The following RAB13 variants were observed in gnomAD, a reference collection of about 807,000 sequenced individuals.
The protein encoded by RAB13 is RAB13, member RAS oncogene family.
In RAB13, 15 loss-of-function variants were observed where a neutral mutation model predicts 29.3. The ratio of observed to expected loss-of-function variants is 0.51; its 90% CI spans 0.34 to 0.79. The LOEUF (loss-of-function observed/expected upper bound fraction) is 0.79. RAB13 is among the 30% of genes least tolerant of loss of function. The pLI, the probability that RAB13 is intolerant of heterozygous loss-of-function variation, is 0.01. For synonymous variants in RAB13, 82 were observed against 93.8 expected, an observed-to-expected ratio of 0.87 and a Z score of 0.73; for missense variants, 186 against 255.5, an observed-to-expected ratio of 0.73 and a Z score of 1.85.
At chr1:153,984,984 A>G (rs1649114318) in intron 1 of RAB13, 2 of 1,286,714 alleles carry the variant, frequency 1.6e-6, no homozygotes, top group African/African-American at 1.6e-5. Context: ...TTTTACGTAC[A>G]TTTTATGGAT....
chr1:153,986,494 T>C, upstream of RAB13: 1 of 482,786 alleles, frequency 2.1e-6, no homozygotes, highest in Non-Finnish European at 3.7e-6. Flanking sequence ...GGCCGGCCTG[T>C]CTCTCTCGCT....
chr1:153,988,613 A>T (rs920639852), upstream of RAB13, among the ~76,000 whole-genome samples: 2 of 144,866 alleles, frequency 1.4e-5, no homozygotes, highest in African/African-American at 5.0e-5. Context: ...TATTTTTTTA[A>T]TTTTTATTGT....
chr1:153,987,528 A>AAAAGAAAAG (rs1649211270), upstream of RAB13, among the ~76,000 whole-genome samples: 2 of 127,488 alleles, frequency 1.6e-5, no homozygotes, highest in Admixed American at 1.9e-4. Context: ...AAAAAAAAAA[A>AAAAGAAAAG]AAAGAAAGAA....
At chr1:153,988,308 T>TG (rs2147864134), upstream of RAB13, among the ~76,000 whole-genome samples, 1 of 148,590 alleles carries the variant, frequency 6.7e-6, no homozygotes, top group South Asian at 2.2e-4. Flanking sequence ...TTTTTTTTTT[T>TG]TTGAGACGGA....
upstream of RAB13, among the ~76,000 whole-genome samples, chr1:153,988,519 C>G (rs1032646237): frequency 4.3e-4 from 60 of 140,278 alleles, no homozygotes; most frequent in African/African-American, 1.4e-3. Context: ...TTTTGATCTC[C>G]TGACCTCGTG....
In RAB13 at chr1:153,986,311, C is replaced by T. The variant is rs1205616516; in HGVS notation, c.-75G>A. 2 of 1,275,458 alleles carry T rather than the reference C, an allele frequency of 1.6e-6. No individual in the cohort carries two copies. The highest frequency in any genetic ancestry group is 1.9e-4 in the Middle Eastern group (1 of 5,302). 79.0% of individuals were successfully genotyped at this position (1,275,458 alleles called of 1,614,324 possible). ...TAGGCGGGACTGGACGGTTGGCAAA[C>T]AGAGCGGCACGGAGCCCAGGCCAGG... On this transcript the variant is annotated 5_prime_UTR_variant, in exon 1 of 8. Transcript: ENST00000368575.
At chr1:153,986,018 C>T in intron 1 of RAB13, 95 bp downstream of exon 1, 1 of 1,562,650 alleles carries the variant, frequency 6.4e-7, no homozygotes. Context: ...GAGCCTTACT[C>T]TAAGGGGACT....
Position 153,982,791 on chromosome 1 carries a change from C to T in RAB13, c.342G>A (p.Val114=). Residue 114 remains valine, a synonymous_variant, in exon 5 of 8, where the codon GTG becomes GTA. Transcript: ENST00000368575. ...KSIKENASAG[V]ERLLLGNKCD... is the part of the protein sequence containing the mutation. ...ATTTGTTCCCCAGCAAGAGGCGCTCCACCCCAGCCGAGGCATTCTGGGGGC... is the reference window on the plus strand; with the variant it reads ...ATTTGTTCCCCAGCAAGAGGCGCTCTACCCCAGCCGAGGCATTCTGGGGGC... 2 of 1,614,142 alleles carry T rather than the reference C, an allele frequency of 1.2e-6. No homozygotes were observed. Among genetic ancestry groups the T allele is most frequent in the Non-Finnish European group, 1.7e-6 (2 of 1,180,024 alleles).
rs1649059781 is a variant in RAB13 at position 153,983,434 on chromosome 1, T to G, written c.246+87A>C. On this transcript the variant is annotated intron_variant, in intron 3 of 7. Transcript: ENST00000368575. Reference sequence around the variant, plus strand: ...AACCCACACTGCACCCCTCCCATTTTTACCTGCCCCAACCCCTGACCCTTT... The same window carrying G: ...AACCCACACTGCACCCCTCCCATTTGTACCTGCCCCAACCCCTGACCCTTT... The G allele has an allele frequency of 5.8e-5, 88 of 1,515,112 alleles. No individual in the cohort carries two copies. The South Asian group carries it at 9.8e-4, about 17-fold the overall frequency. The allele number at this position is 1,515,112 out of a possible 1,614,324, so 93.9% of individuals were successfully genotyped here. A position where few individuals can be genotyped will look rare whatever the true frequency, so the allele number is the denominator to read the frequency against.
In RAB13 at chr1:153,985,346, G is replaced by A; in HGVS notation, c.125-565C>T. 6.1e-6 allele frequency: 6 copies of A among 984,368 alleles called. No homozygotes were observed. In the South Asian group the frequency reaches 2.8e-4, roughly 46 times the overall value. The allele number at this position is 984,368 out of a possible 1,614,324, so 61.0% of individuals were successfully genotyped here. ...TCCTTTGTAACCAGAATTGTCGTGA[G>A]ACTCTTCCTGTCTATTTCCCAAGCC... On this transcript the variant is annotated intron_variant, in intron 1 of 7. Coordinates refer to ENST00000368575, the MANE Select transcript of RAB13 (RefSeq NM_002870.5).
intron 1 of RAB13, chr1:153,985,131 T>A: frequency 9.5e-7 from 1 of 1,049,094 alleles, no homozygotes; most frequent in Non-Finnish European, 1.1e-6. Flanking sequence ...ACTTTCACAT[T>A]CCTCTTCTCT....
At chr1:153,989,927 G>A (rs1242240961), upstream of RAB13, among the ~76,000 whole-genome samples, 2 of 151,856 alleles carry the variant, frequency 1.3e-5, no homozygotes, top group Non-Finnish European at 2.9e-5. Flanking sequence ...AAAAAAAGAA[G>A]GCATCTTTCA....
chr1:153,982,728 C>T lies in RAB13; in HGVS notation c.405G>A (p.Gln135=). The change falls in exon 5 of 8, where the codon CAG becomes CAA. Residue 135 remains glutamine (Q), a synonymous_variant. Coordinates refer to ENST00000368575, the MANE Select transcript of RAB13 (RefSeq NM_002870.5). The part of the protein sequence containing the change: ...MEAKRKVQKE[Q]ADKLAREHGI... ...TCAGCCTGGCCCTCACCTTATCGGCCTGCTCCTTCTGCACCTTCCTCTTGG... is the reference window on the plus strand; with the variant it reads ...TCAGCCTGGCCCTCACCTTATCGGCTTGCTCCTTCTGCACCTTCCTCTTGG... The T allele has an allele frequency of 6.2e-7, 1 of 1,614,202 alleles. No homozygotes were observed. The highest frequency in any genetic ancestry group is 8.5e-7 in the Non-Finnish European group (1 of 1,180,028).
At position 153,985,060 on chromosome 1, in the gene RAB13, T is replaced by C. The variant is rs1252226176; in HGVS notation, c.125-279A>G. 4.3e-6 allele frequency: 5 copies of C among 1,169,122 alleles called. No homozygotes were observed. In the East Asian group the frequency reaches 3.0e-4, roughly 71 times the overall value. 72.4% of individuals were successfully genotyped at this position (1,169,122 alleles called of 1,614,324 possible). On this transcript the variant is annotated intron_variant, in intron 1 of 7. Transcript: ENST00000368575. ...TAAAATCCTTAGGCTGCCTCTTGGG[T>C]CCATTCAGTTATACCAGCTGACAAC...
intron 1 of RAB13, among the ~76,000 whole-genome samples, chr1:153,985,833 T>C (rs1159159394): frequency 1.3e-5 from 2 of 150,990 alleles, no homozygotes; most frequent in Admixed American, 6.6e-5. Context: ...CAGAGAAAAA[T>C]AGAGAAGAGT....
chr1:153,986,564 G>T (rs1649178365), upstream of RAB13, among the ~76,000 whole-genome samples: 1 of 152,192 alleles, frequency 6.6e-6, no homozygotes, highest in Non-Finnish European at 1.5e-5. Flanking sequence ...CTTCCATTCT[G>T]AGGCCAGAGA....
intron 1 of RAB13, among the ~76,000 whole-genome samples, chr1:153,985,657 GGAAGTAGATGGT>G (rs1186354123): frequency 6.6e-6 from 1 of 152,180 alleles, no homozygotes; most frequent in Admixed American, 6.6e-5. Flanking sequence ...AGGGAACCTG[GGAAGTAGATGGT>G]GAGGTGGGGA....
Position 153,983,633 on chromosome 1 carries a change from C to A in RAB13, c.186-52G>T, listed in dbSNP as rs535490466. On this transcript the variant is annotated intron_variant, in intron 2 of 7. Coordinates refer to ENST00000368575, the MANE Select transcript of RAB13 (RefSeq NM_002870.5). ...TGGAATAGAGGGAAGAATTCTCCAA[C>A]GGAATAATTCTTCCTCTCTCACAAG... 3 of 1,450,874 alleles carry A rather than the reference C, an allele frequency of 2.1e-6. No individual in the cohort carries two copies. The African/African-American group carries it at 4.2e-5, about 20-fold the overall frequency. The allele number at this position is 1,450,874 out of a possible 1,614,324, so 89.9% of individuals were successfully genotyped here. A position where few individuals can be genotyped will look rare whatever the true frequency, so the allele number is the denominator to read the frequency against.
chr1:153,988,432 T>C (rs182851219), upstream of RAB13, among the ~76,000 whole-genome samples: 136 of 148,730 alleles, frequency 9.1e-4, 5 homozygotes, highest in Middle Eastern at 3.4e-3. Flanking sequence ...TAGCTGGGAC[T>C]ACAGGCGCCC....
Sources: allele counts gnomAD v4.1 joint callset (sites outside exome capture counted in the v4.1 genomes callset), GRCh38; gene constraint gnomAD v4.1.1; transcripts MANE v1.5; gene names NCBI Gene and HGNC (gene_info 2026-07-23, HGNC 2026-07-21).